WDFY3: variants seen among roughly 807,000 people sequenced by gnomAD.
WDFY3 encodes the protein WD repeat and FYVE domain-containing protein 3.
A neutral mutation model predicts 409.6 loss-of-function variants in WDFY3; 66 were observed. The ratio of observed to expected loss-of-function variants is 0.16; its 90% CI spans 0.13 to 0.20. The LOEUF (loss-of-function observed/expected upper bound fraction) is 0.20, where lower values mean the gene tolerates loss of function less well. Ranked by LOEUF, WDFY3 falls within the 10% of genes least tolerant of loss-of-function variation. WDFY3 has a pLI of 1.00. For synonymous variants in WDFY3, 1,521 were observed against 1,537.1 expected (o/e 0.99, Z 0.25); for missense variants, 3,031 against 4,298.1 (o/e 0.71, Z 8.24).
intron 1 of WDFY3, among the ~76,000 whole-genome samples, chr4:84,960,348 A>T (rs772726078): frequency 1.3e-5 from 2 of 152,022 alleles, no homozygotes; most frequent in African/African-American, 2.4e-5. Context: ...CCCCACCTCC[A>T]CACCATATGT....
chr4:84,966,096 G>T (rs971092046), intron 1 of WDFY3, 113 bp downstream of exon 1: 1 of 151,816 alleles, frequency 6.6e-6, no homozygotes, highest in Non-Finnish European at 1.5e-5. Context: ...GCGCAGGGCC[G>T]CGAGTGGGCA....
chr4:84,896,858 T>C (rs1765707853), intron 3 of WDFY3, 53 bp downstream of exon 3: 1 of 152,092 alleles, frequency 6.6e-6, no homozygotes. Context: ...ATAAATCCAG[T>C]GATAGTAAAG....
intron 26 of WDFY3, among the ~76,000 whole-genome samples, chr4:84,779,639 C>T (rs1189161371): frequency 1.3e-5 from 2 of 151,962 alleles, no homozygotes; most frequent in Admixed American, 6.6e-5. Context: ...GTGGCTTTCA[C>T]GTCTCCTGAG....
chr4:84,963,131 A>C (rs13139541), intron 1 of WDFY3, among the ~76,000 whole-genome samples: 35,780 of 151,516 alleles, frequency 0.24, 5,195 homozygotes, highest in East Asian at 0.32. Context: ...AAAAAACAAA[A>C]AAAAAAAAAC....
intron 2 of WDFY3, among the ~76,000 whole-genome samples, chr4:84,911,754 T>C (rs1284124829): frequency 6.6e-6 from 1 of 152,138 alleles, no homozygotes; most frequent in Non-Finnish European, 1.5e-5. Flanking sequence ...TAGATACCAG[T>C]CTATTTTTAT....
At chr4:84,811,579 G>T (rs1752499779) in intron 13 of WDFY3, among the ~76,000 whole-genome samples, 1 of 152,140 alleles carries the variant, frequency 6.6e-6, no homozygotes, top group Non-Finnish European at 1.5e-5. Context: ...ATGACATTAT[G>T]CCCCAAACAG....
intron 15 of WDFY3, 104 bp from the exon 16 acceptor site, chr4:84,803,571 A>C (rs1275604491): frequency 2.4e-6 from 3 of 1,266,042 alleles, no homozygotes; most frequent in Non-Finnish European, 3.3e-6. Flanking sequence ...GTTAGAAAAC[A>C]CCTTAAGGTT....
At chr4:84,893,412 G>C (rs1490045472) in intron 3 of WDFY3, among the ~76,000 whole-genome samples, 2 of 152,096 alleles carry the variant, frequency 1.3e-5, no homozygotes, top group Non-Finnish European at 2.9e-5. Flanking sequence ...TGGGATTACT[G>C]TTTTCTCCTC....
rs138925280 is a variant in WDFY3 at position 84,904,352 on chromosome 4, T to A, written c.-131-7342A>T. Among the ~76,000 whole-genome samples the A allele has an allele frequency of 8.8e-3, 1,339 of 152,092 alleles. 17 individuals are homozygous for A. Among genetic ancestry groups the A allele is most frequent in the African/African-American group, 0.031 (1,276 of 41,492 alleles). ...ACCTCCTGGGTTCAAGGGATTCTCC[T>A]GCCTAGGCGAAACAGAGCAAGACTC... On this transcript the variant is annotated intron_variant, in intron 2 of 67. Coordinates refer to ENST00000295888, the MANE Select transcript of WDFY3 (RefSeq NM_014991.6).
intron 50 of WDFY3, among the ~76,000 whole-genome samples, chr4:84,713,880 A>G (rs1394835877): frequency 6.6e-6 from 1 of 152,094 alleles, no homozygotes; most frequent in Non-Finnish European, 1.5e-5. Context: ...ACACTTTGGG[A>G]GGCCGAGGCG....
chr4:84,860,889 T>C (rs556879513), intron 3 of WDFY3, among the ~76,000 whole-genome samples: 7 of 152,284 alleles, frequency 4.6e-5, no homozygotes, highest in Admixed American at 3.9e-4. Context: ...GTAATAAATG[T>C]TTCCAATTAG....
At chr4:84,720,958 T>C (rs987809094) in intron 47 of WDFY3, among the ~76,000 whole-genome samples, 2 of 151,958 alleles carry the variant, frequency 1.3e-5, no homozygotes, top group East Asian at 1.9e-4. Flanking sequence ...GAGCAAGAAA[T>C]AGGAAGGTGA....
chr4:84,936,464 T>C (rs1771426838), intron 1 of WDFY3, among the ~76,000 whole-genome samples: 1 of 151,992 alleles, frequency 6.6e-6, no homozygotes, highest in Admixed American at 6.6e-5. Context: ...GAGGCCACAG[T>C]GAGCTATGAA....
At chr4:84,761,087 T>C (rs1446354918) in intron 32 of WDFY3, among the ~76,000 whole-genome samples, 1 of 152,102 alleles carries the variant, frequency 6.6e-6, no homozygotes, top group African/African-American at 2.4e-5. Context: ...CAGGAGCAGG[T>C]TGTTCAGTTT....
In WDFY3 at chr4:84,690,604, T is replaced by G; in HGVS notation, c.9265A>C (p.Asn3089His). 3 of 1,614,150 alleles carry G rather than the reference T, an allele frequency of 1.9e-6. No homozygotes were observed. The highest frequency in any genetic ancestry group is 1.7e-6 in the Non-Finnish European group (2 of 1,180,026). ...CCACCCGTGATGACCAGCTTGGGGT[T>G]GGGGCAGATTGCACAGAGAATCTGG... Reference protein sequence around the residue: ...WGQILCAICPNPKLVITGGTS... With the variant: ...WGQILCAICPHPKLVITGGTS... The change falls in exon 61 of 68, where the codon AAC (asparagine) becomes CAC (histidine). Residue 3089 changes from asparagine to histidine, a missense_variant. Coordinates refer to ENST00000295888, the MANE Select transcript of WDFY3 (RefSeq NM_014991.6).
chr4:84,941,652 A>C (rs945589920), intron 1 of WDFY3, among the ~76,000 whole-genome samples: 5 of 152,092 alleles, frequency 3.3e-5, no homozygotes, highest in African/African-American at 1.2e-4. Context: ...ATTAGAGTAG[A>C]CTTTCGTTTT....
Position 84,726,808 on chromosome 4 carries a change from A to G in WDFY3, c.7272+53T>C, listed in dbSNP as rs1462904766. 3 of 1,558,346 alleles carry G rather than the reference A, an allele frequency of 1.9e-6. No homozygotes were observed. In the African/African-American group the frequency reaches 4.2e-5, roughly 22 times the overall value. ...GCACTTAAAAAAAAAACCAGAAAAC[A>G]AAAAACAAAACTACAAGTAGTTTAC... is the stretch of plus-strand genomic sequence containing the variant. On this transcript the variant is annotated intron_variant, in intron 45 of 67. Transcript: ENST00000295888.
At chr4:84,754,019 C>T in intron 34 of WDFY3, 143 bp from the exon 35 acceptor site, 1 of 905,680 alleles carries the variant, frequency 1.1e-6, no homozygotes. Context: ...TATGAGCAAA[C>T]ACACATGTAT....
intron 62 of WDFY3, among the ~76,000 whole-genome samples, chr4:84,684,827 G>T (rs1728019400): frequency 6.6e-6 from 1 of 152,112 alleles, no homozygotes; most frequent in South Asian, 2.1e-4. Flanking sequence ...ACCAGGCTGG[G>T]CTCTACCTAA....
Sources: gnomAD v4.1 joint callset for allele counts (sites outside exome capture counted in the v4.1 genomes callset) on GRCh38, gnomAD v4.1.1 for gene constraint, MANE v1.5 for transcripts, NCBI Gene and HGNC (gene_info 2026-07-23, HGNC 2026-07-21) for gene names.